Variants in MINDY4 observed in about 807,000 individuals in gnomAD.
MINDY4 encodes the protein MINDY lysine 48 deubiquitinase 4.
A neutral mutation model predicts 87.0 loss-of-function variants in MINDY4; 68 were observed. That is an observed-to-expected ratio of 0.78 (90% CI 0.64 to 0.96). The LOEUF is 0.96. Among genes scored for constraint, MINDY4 ranks in the 40% least tolerant of loss-of-function variants. The pLI is 0.00. For synonymous variants in MINDY4, 379 were observed against 363.2 expected, an observed-to-expected ratio of 1.04 and a Z score of -0.50; for missense variants, 919 against 928.2, an observed-to-expected ratio of 0.99 and a Z score of 0.13.
At chr7:30,818,528 T>C (rs780652445) in intron 5 of MINDY4, among the ~76,000 whole-genome samples, 13 of 152,202 alleles carry the variant, frequency 8.5e-5, no homozygotes, top group Non-Finnish European at 1.8e-4. Context: ...GAATAAAGAA[T>C]AGATGAAGAA....
At chr7:30,852,342 T>C in intron 11 of MINDY4, 63 bp downstream of exon 11, 2 of 1,611,536 alleles carry the variant, frequency 1.2e-6, no homozygotes, top group Non-Finnish European at 1.7e-6. Flanking sequence ...TCTCCTTTCA[T>C]ATAAGTAAAT....
intron 5 of MINDY4, among the ~76,000 whole-genome samples, chr7:30,826,379 A>G (rs1257223865): frequency 2.6e-5 from 4 of 152,228 alleles, no homozygotes; most frequent in Non-Finnish European, 5.9e-5. Flanking sequence ...GTGAGTGAAT[A>G]AATGAATGAA....
intron 5 of MINDY4, among the ~76,000 whole-genome samples, chr7:30,792,391 A>G (rs1421599166): frequency 6.6e-6 from 1 of 152,216 alleles, no homozygotes; most frequent in Non-Finnish European, 1.5e-5. Flanking sequence ...TACCTAGGTT[A>G]TGCTAGAAGT....
chr7:30,785,577 A>T lies in MINDY4; in HGVS notation c.420-172A>T, dbSNP rs188621654. Among the ~76,000 whole-genome samples, 3 of 152,300 alleles carry T rather than the reference A, an allele frequency of 2.0e-5. No individual in the cohort carries two copies. The East Asian group carries it at 5.8e-4, about 29-fold the overall frequency. On this transcript the variant is annotated intron_variant, in intron 3 of 17. Coordinates refer to ENST00000265299, the MANE Select transcript of MINDY4 (RefSeq NM_032222.3). Reference sequence around the variant, plus strand: ...TTTTATAGGGCAGACTTGCCTTGATACCAGAGTATTTTCTGTTCCTTGTCT... The same window carrying T: ...TTTTATAGGGCAGACTTGCCTTGATTCCAGAGTATTTTCTGTTCCTTGTCT...
chr7:30,826,177 T>C (rs961828785), intron 5 of MINDY4, among the ~76,000 whole-genome samples: 1 of 152,242 alleles, frequency 6.6e-6, no homozygotes, highest in African/African-American at 2.4e-5. Flanking sequence ...TTATTCTTAT[T>C]TGCAGAATCT....
intron 5 of MINDY4, among the ~76,000 whole-genome samples, chr7:30,800,939 G>A (rs562829174): frequency 1.3e-5 from 2 of 152,320 alleles, no homozygotes; most frequent in South Asian, 2.1e-4. Flanking sequence ...ATTTAGTCTC[G>A]TTGCCCTTGT....
chr7:30,815,573 C>A (rs544920520), intron 5 of MINDY4, among the ~76,000 whole-genome samples: 1 of 152,324 alleles, frequency 6.6e-6, no homozygotes, highest in African/African-American at 2.4e-5. Context: ...AGATCATGGG[C>A]TAGCAACATT....
intron 13 of MINDY4, among the ~76,000 whole-genome samples, chr7:30,861,886 C>G (rs1452616511): frequency 6.6e-6 from 1 of 152,226 alleles, no homozygotes; most frequent in East Asian, 1.9e-4. Flanking sequence ...GACACTCACC[C>G]TTGGCAGGCA....
intron 15 of MINDY4, among the ~76,000 whole-genome samples, chr7:30,878,597 C>T (rs1790361769): frequency 6.6e-6 from 1 of 152,198 alleles, no homozygotes; most frequent in South Asian, 2.1e-4. Context: ...CCAAGCCCCT[C>T]CAGGCTGATG....
chr7:30,846,535 C>T (rs1200532872), intron 9 of MINDY4, among the ~76,000 whole-genome samples: 1 of 152,208 alleles, frequency 6.6e-6, no homozygotes, highest in Non-Finnish European at 1.5e-5. Context: ...TCAGGAAATG[C>T]AGACCTGTTT....
intron 13 of MINDY4, among the ~76,000 whole-genome samples, chr7:30,871,018 C>T (rs935432394): frequency 6.6e-6 from 1 of 150,686 alleles, no homozygotes; most frequent in African/African-American, 2.4e-5. Flanking sequence ...CCCCCAGGGC[C>T]GTGTGTGCCC....
intron 6 of MINDY4, among the ~76,000 whole-genome samples, chr7:30,831,008 A>G (rs1788685013): frequency 6.6e-6 from 1 of 152,142 alleles, no homozygotes; most frequent in Non-Finnish European, 1.5e-5. Flanking sequence ...CTGGGCAGAG[A>G]TTCTGTGCTA....
At position 30,850,460 on chromosome 7, in the gene MINDY4, G is replaced by A; in HGVS notation, c.1452G>A (p.Leu484=). 1.2e-6 allele frequency: 2 copies of A among 1,611,750 alleles called. No individual in the cohort carries two copies. The highest frequency in any genetic ancestry group is 4.5e-5 in the East Asian group (2 of 44,810). The change falls in exon 10 of 18, where the codon CTG becomes CTA. Residue 484 remains leucine, a synonymous_variant. Transcript: ENST00000265299. ...TTCCTTTTCTTGTCCGCAGGGGACT[G>A]CAGCCTTCAGATGCCCACCGGACCC... is the stretch of plus-strand genomic sequence containing the variant. ...GDSKADCAQG[L]QPSDAHRTRC... is the part of the protein sequence containing the mutation.
At chr7:30,843,216 G>A (rs939294456) in intron 9 of MINDY4, among the ~76,000 whole-genome samples, 6 of 152,244 alleles carry the variant, frequency 3.9e-5, no homozygotes, top group African/African-American at 1.2e-4. Context: ...AAACAGGGAG[G>A]GGAGGCAGAA....
chr7:30,832,205 A>G (rs951779011), intron 6 of MINDY4, among the ~76,000 whole-genome samples: 2 of 152,204 alleles, frequency 1.3e-5, no homozygotes, highest in African/African-American at 4.8e-5. Flanking sequence ...CATGGGACCC[A>G]GGCAGAGCGT....
At chr7:30,886,599 G>A (rs555371626) in intron 17 of MINDY4, among the ~76,000 whole-genome samples, 15 of 152,318 alleles carry the variant, frequency 9.8e-5, no homozygotes, top group Admixed American at 7.8e-4. Flanking sequence ...TGTGGCTTAC[G>A]CTTTTGCTGT....
At chr7:30,823,234 A>G (rs982072292) in intron 5 of MINDY4, among the ~76,000 whole-genome samples, 3 of 152,202 alleles carry the variant, frequency 2.0e-5, no homozygotes, top group African/African-American at 7.2e-5. Context: ...TTTGCAATTA[A>G]TAAGTAATCT....
chr7:30,859,208 A>G, intron 12 of MINDY4, 49 bp from the exon 13 acceptor site: 1 of 1,550,212 alleles, frequency 6.5e-7, no homozygotes, highest in Non-Finnish European at 8.9e-7. Context: ...GGGGCTGGGA[A>G]GAGGGAGGTG....
At chr7:30,829,194 C>G (rs140073449) in intron 6 of MINDY4, among the ~76,000 whole-genome samples, 89 of 152,360 alleles carry the variant, frequency 5.8e-4, no homozygotes, top group Middle Eastern at 3.4e-3. Context: ...GTGCCCTGGT[C>G]TGCATCTTCA....
Sources: gnomAD v4.1 joint callset for allele counts (sites outside exome capture counted in the v4.1 genomes callset) on GRCh38, gnomAD v4.1.1 for gene constraint, MANE v1.5 for transcripts, NCBI Gene and HGNC (gene_info 2026-07-23, HGNC 2026-07-21) for gene names.